TTC23: variants seen among roughly 807,000 people sequenced by gnomAD.
TTC23 encodes tetratricopeptide repeat protein 23.
A neutral mutation model predicts 55.1 loss-of-function variants in TTC23; 58 were observed. The ratio of observed to expected loss-of-function variants is 1.05; its 90% CI spans 0.85 to 1.31. The LOEUF (loss-of-function observed/expected upper bound fraction) is 1.31. TTC23 is among the 50% of genes most tolerant of loss of function. TTC23 has a pLI of 0.00. For missense variants in TTC23, 516 were observed against 534.4 expected, an observed-to-expected ratio of 0.97 and a Z score of 0.34; for synonymous variants, 203 against 199.9, an observed-to-expected ratio of 1.02 and a Z score of -0.13.
intron 9 of TTC23, among the ~76,000 whole-genome samples, chr15:99,184,857 T>C (rs1394029886): frequency 2.6e-5 from 4 of 152,152 alleles, no homozygotes; most frequent in Middle Eastern, 3.2e-3. Flanking sequence ...TCATCTTGCA[T>C]TGTAATCCCA....
intron 3 of TTC23, among the ~76,000 whole-genome samples, chr15:99,238,003 T>C (rs2079464581): frequency 1.3e-5 from 2 of 152,224 alleles, no homozygotes; most frequent in South Asian, 2.1e-4. Context: ...TCTCACTCTG[T>C]CACCCAGGCT....
intron 9 of TTC23, among the ~76,000 whole-genome samples, chr15:99,187,469 C>CAAAAAAAAAAAAAAAAAAAAAAAA (rs1451783999): frequency 9.0e-6 from 1 of 110,648 alleles, no homozygotes; most frequent in Non-Finnish European, 1.8e-5. Context: ...AAAAAAAAAA[C>CAAAAAAAAAAAAAAAAAAAAAAAA]AAAACAAAAG....
Position 99,137,876 on chromosome 15 carries a change from A to G in TTC23, c.*134T>C. ...GGGAGGCTTATGGTCTCACTGTTGC[A>G]TGTTGGGGCCAACAGTTGGCCTTGG... is the stretch of plus-strand genomic sequence containing the variant. On this transcript the variant is annotated 3_prime_UTR_variant, in exon 14 of 14. Transcript: ENST00000394132. 7.1e-7 allele frequency: 1 copy of G among 1,409,066 alleles called. No homozygotes were observed. The highest frequency in any genetic ancestry group is 1.4e-5 in the South Asian group (1 of 73,460). 87.3% of individuals were successfully genotyped at this position (1,409,066 alleles called of 1,614,324 possible). A position where few individuals can be genotyped will look rare whatever the true frequency, so the allele number is the denominator to read the frequency against.
intron 10 of TTC23, among the ~76,000 whole-genome samples, chr15:99,168,405 A>C (rs2072449636): frequency 6.6e-6 from 1 of 152,128 alleles, no homozygotes; most frequent in South Asian, 2.1e-4. Flanking sequence ...ACTTGGGGCC[A>C]CCATGTAGTG....
intron 8 of TTC23, among the ~76,000 whole-genome samples, chr15:99,212,556 G>T (rs1423763081): frequency 6.6e-6 from 1 of 152,154 alleles, no homozygotes; most frequent in East Asian, 1.9e-4. Context: ...GAAGTTTCAG[G>T]CCATAGTCAG....
chr15:99,204,679 A>G (rs1181330450), intron 8 of TTC23, among the ~76,000 whole-genome samples: 1 of 97,688 alleles, frequency 1.0e-5, no homozygotes, highest in Non-Finnish European at 1.9e-5. Context: ...TCTGTGGCCC[A>G]GGCTGGAGTG....
intron 9 of TTC23, among the ~76,000 whole-genome samples, chr15:99,176,235 C>T (rs1026514238): frequency 6.6e-6 from 1 of 152,042 alleles, no homozygotes; most frequent in Non-Finnish European, 1.5e-5. Context: ...AAATAAAATA[C>T]GGTGAAGTAA....
chr15:99,226,302 G>C (rs945609420), intron 5 of TTC23, among the ~76,000 whole-genome samples: 1 of 150,152 alleles, frequency 6.7e-6, no homozygotes, highest in Non-Finnish European at 1.5e-5. Flanking sequence ...GCCATGTAAG[G>C]GAATAGCTTT....
chr15:99,219,106 C>T (rs2077704761), intron 6 of TTC23, 58 bp from the exon 7 acceptor site: 11 of 1,584,352 alleles, frequency 6.9e-6, no homozygotes, highest in Non-Finnish European at 9.5e-6. Context: ...GACAGGAATA[C>T]AGTTCCTTAT....
chr15:99,227,346 C>T lies in TTC23; in HGVS notation c.180+1187G>A, dbSNP rs141690756. ...TCCCCTCAGTCATCCAGTCCTGTCC[C>T]ACTGATTTGCATTTCTAAATTCCTT... On this transcript the variant is annotated intron_variant, in intron 5 of 13. Coordinates refer to ENST00000394132, the MANE Select transcript of TTC23 (RefSeq NM_001288615.3). Among the ~76,000 whole-genome samples, 350 of 152,274 alleles carry T rather than the reference C, an allele frequency of 2.3e-3. 2 individuals are homozygous for T. Among genetic ancestry groups the T allele is most frequent in the African/African-American group, 8.2e-3 (341 of 41,546 alleles).
chr15:99,161,636 G>T, intron 11 of TTC23, 104 bp downstream of exon 11: 2 of 1,351,024 alleles, frequency 1.5e-6, no homozygotes, highest in Non-Finnish European at 2.0e-6. Context: ...ACTGGCACAT[G>T]CTTTGCACAC....
intron 10 of TTC23, among the ~76,000 whole-genome samples, chr15:99,171,559 C>CTTTTTTTT (rs35676358): frequency 4.3e-5 from 4 of 92,298 alleles, no homozygotes; most frequent in African/African-American, 8.7e-5. Flanking sequence ...GTCTCTCCGT[C>CTTTTTTTT]TTTTTTTTTT....
chr15:99,147,167 C>T (rs1376808956), intron 12 of TTC23, among the ~76,000 whole-genome samples: 1 of 150,018 alleles, frequency 6.7e-6, no homozygotes, highest in Non-Finnish European at 1.5e-5. Context: ...CCACCTCGGC[C>T]TCTCAAAGTG....
intron 9 of TTC23, among the ~76,000 whole-genome samples, chr15:99,175,378 G>T (rs1242544272): frequency 1.3e-5 from 2 of 152,234 alleles, no homozygotes; most frequent in East Asian, 3.8e-4. Flanking sequence ...CAATGCTATG[G>T]CCAGGGCCTG....
At chr15:99,203,846 T>C (rs1480411014) in intron 8 of TTC23, among the ~76,000 whole-genome samples, 1 of 152,186 alleles carries the variant, frequency 6.6e-6, no homozygotes, top group East Asian at 1.9e-4. Context: ...TTTTAATGGC[T>C]AATATTCCAT....
rs185711008 is a variant in TTC23, at chr15:99,169,821, T to A, written c.865+5229A>T. ...TGCATAGGAAATTTTATCTTAGGAA[T>A]CCACTTAGTCAGCCCCTGCTCCCTA... is the stretch of plus-strand genomic sequence containing the variant. On this transcript the variant is annotated intron_variant, in intron 10 of 13. Coordinates refer to ENST00000394132, the MANE Select transcript of TTC23 (RefSeq NM_001288615.3). Among the ~76,000 whole-genome samples the A allele has an allele frequency of 1.7e-3, 257 of 152,232 alleles. 1 individual carries two copies. Among genetic ancestry groups the A allele is most frequent in the Middle Eastern group, 0.014 (4 of 294 alleles).
intron 5 of TTC23, among the ~76,000 whole-genome samples, chr15:99,228,208 T>C (rs1368937190): frequency 6.6e-6 from 1 of 152,218 alleles, no homozygotes; most frequent in African/African-American, 2.4e-5. Context: ...GAAAGAAGCA[T>C]GCAGAGAACA....
intron 2 of TTC23, among the ~76,000 whole-genome samples, chr15:99,242,298 CAG>C (rs955027978): frequency 2.6e-5 from 4 of 151,746 alleles, no homozygotes; most frequent in African/African-American, 9.7e-5. Flanking sequence ...AAAAAAATAA[CAG>C]AAAAATAGAA....
At chr15:99,194,525 C>T (rs955130038) in intron 9 of TTC23, among the ~76,000 whole-genome samples, 4 of 130,424 alleles carry the variant, frequency 3.1e-5, no homozygotes, top group Non-Finnish European at 3.2e-5. Flanking sequence ...TTCAACAAAC[C>T]GTGCTGGAAA....
Sources: allele counts gnomAD v4.1 joint callset (sites outside exome capture counted in the v4.1 genomes callset), GRCh38; gene constraint gnomAD v4.1.1; transcripts MANE v1.5; gene names NCBI Gene and HGNC (gene_info 2026-07-23, HGNC 2026-07-21).